ARHGAP27: variants seen among roughly 807,000 people sequenced by gnomAD.
ARHGAP27 encodes the protein rho GTPase-activating protein 27.
In ARHGAP27, 53 loss-of-function variants were observed where a neutral mutation model predicts 102.0. The ratio of observed to expected loss-of-function variants is 0.52; its 90% CI spans 0.42 to 0.65. ARHGAP27 has a LOEUF of 0.65. Ranked by LOEUF, ARHGAP27 falls within the 30% of genes least tolerant of loss-of-function variation. The pLI is 0.00. For missense variants in ARHGAP27, 1,117 were observed against 1,256.2 expected (o/e 0.89, Z 1.68); for synonymous variants, 525 against 542.8 (o/e 0.97, Z 0.46).
intron 12 of ARHGAP27, among the ~76,000 whole-genome samples, chr17:45,402,422 G>A (rs1227932057): frequency 1.3e-5 from 2 of 152,170 alleles, no homozygotes; most frequent in Non-Finnish European, 2.9e-5. Context: ...TGGGGCGGGG[G>A]TGCAGCGTTG....
intron 4 of ARHGAP27, among the ~76,000 whole-genome samples, chr17:45,422,998 T>C (rs1346910190): frequency 6.6e-6 from 1 of 151,916 alleles, no homozygotes; most frequent in Non-Finnish European, 1.5e-5. Flanking sequence ...CTGGCCAACA[T>C]GGCAAAATCA....
At chr17:45,415,260 A>T (rs73305444) in intron 4 of ARHGAP27, among the ~76,000 whole-genome samples, 6,009 of 151,888 alleles carry the variant, frequency 0.04, 404 homozygotes, top group African/African-American at 0.14. Flanking sequence ...ACTTCTCTCC[A>T]GTGTTTGCTC....
intron 13 of ARHGAP27, chr17:45,397,226 G>A (rs1340085384): frequency 2.1e-6 from 3 of 1,426,026 alleles, no homozygotes; most frequent in Non-Finnish European, 1.8e-6. Context: ...GCTGCATGGA[G>A]CCCTTAAGGT....
intron 4 of ARHGAP27, among the ~76,000 whole-genome samples, chr17:45,412,275 G>T (rs2048001795): frequency 6.6e-6 from 1 of 152,214 alleles, no homozygotes; most frequent in Admixed American, 6.5e-5. Context: ...AGGAGGTGAT[G>T]ACCACAGTGG....
chr17:45,398,939 A>C (rs2046084655), intron 12 of ARHGAP27, among the ~76,000 whole-genome samples: 2 of 151,888 alleles, frequency 1.3e-5, no homozygotes, highest in Middle Eastern at 3.4e-3. Flanking sequence ...AGTCCCCACC[A>C]CCTCCCACAC....
intron 13 of ARHGAP27, 93 bp from the exon 14 acceptor site, chr17:45,397,117 G>T: frequency 6.5e-7 from 1 of 1,544,986 alleles, no homozygotes; most frequent in Non-Finnish European, 8.7e-7. Flanking sequence ...CTCCCAACAG[G>T]CATGGCCTGG....
At chr17:45,400,645 T>G (rs1309352112) in intron 12 of ARHGAP27, among the ~76,000 whole-genome samples, 1 of 152,186 alleles carries the variant, frequency 6.6e-6, no homozygotes, top group Non-Finnish European at 1.5e-5. Context: ...CCGGGCATGG[T>G]GGCTCACACC....
At chr17:45,406,876 G>A (rs2047234996) in intron 4 of ARHGAP27, among the ~76,000 whole-genome samples, 1 of 152,192 alleles carries the variant, frequency 6.6e-6, no homozygotes, top group African/African-American at 2.4e-5. Flanking sequence ...GGTGAAGTTT[G>A]CAGGTGTCAG....
In ARHGAP27 at chr17:45,395,344, G is replaced by C. The variant is rs961180966; in HGVS notation, c.*112C>G. ...GAGGGTGCAGAAGTCACACCGGCCT[G>C]CGGCTATGCGCTGGCGGAGGGTCCC... On this transcript the variant is annotated 3_prime_UTR_variant, in exon 20 of 20. Coordinates refer to ENST00000685559, the MANE Select transcript of ARHGAP27 (RefSeq NM_001282290.2). The C allele has an allele frequency of 5.9e-6, 8 of 1,344,720 alleles. No homozygotes were observed. Among genetic ancestry groups the C allele is most frequent in the Admixed American group, 2.7e-5 (1 of 37,494 alleles). 83.3% of individuals were successfully genotyped at this position (1,344,720 alleles called of 1,614,324 possible).
intron 6 of ARHGAP27, 108 bp from the exon 7 acceptor site, chr17:45,404,789 G>A: frequency 8.0e-6 from 12 of 1,504,664 alleles, no homozygotes; most frequent in Non-Finnish European, 1.0e-5. Context: ...GGAGGGGCAG[G>A]TGCAGGTGAC....
At chr17:45,423,039 G>C (rs751986460) in intron 4 of ARHGAP27, among the ~76,000 whole-genome samples, 4 of 152,042 alleles carry the variant, frequency 2.6e-5, no homozygotes, top group South Asian at 4.1e-4. Flanking sequence ...AAATTAGCCC[G>C]GTGTGGTGGC....
At chr17:45,410,895 A>G (rs558313217) in intron 4 of ARHGAP27, among the ~76,000 whole-genome samples, 5 of 152,234 alleles carry the variant, frequency 3.3e-5, no homozygotes, top group African/African-American at 1.2e-4. Flanking sequence ...GGGAGCTGGC[A>G]TCTGGACTGT....
chr17:45,396,706 G>A lies in ARHGAP27; in HGVS notation c.2036C>T (p.Pro679Leu), dbSNP rs759205365. The A allele has an allele frequency of 1.2e-6, 2 of 1,613,850 alleles. No homozygotes were observed. Among genetic ancestry groups the A allele is most frequent in the Non-Finnish European group, 1.7e-6 (2 of 1,179,810 alleles). ...CTTCTCCCGCAGCGACTGCAGTGTG[G>A]GCCGCCTCTGGAGGAACTTGCGGAG... is the stretch of plus-strand genomic sequence containing the variant. ...HKLRKFLQRR[P>L]TLQSLREKGY... The change falls in exon 15 of 20, where the codon CCC becomes CTC. Residue 679 changes from proline to leucine, a missense_variant. By Grantham distance (98) the Pro-to-Leu change is moderately conservative. Around this residue, in one of 3 missense-constraint regions of ARHGAP27, gnomAD observed 493 missense variants for 505.5 expected, o/e 0.98. Transcript: ENST00000685559.
chr17:45,416,829 G>A (rs2048508391), intron 4 of ARHGAP27, among the ~76,000 whole-genome samples: 1 of 149,252 alleles, frequency 6.7e-6, no homozygotes, highest in African/African-American at 2.4e-5. Flanking sequence ...TTACAGGCGT[G>A]AGCCACCGCG....
chr17:45,405,534 G>A (rs2047049582), intron 5 of ARHGAP27, 142 bp downstream of exon 5: 2 of 1,201,292 alleles, frequency 1.7e-6, no homozygotes, highest in African/African-American at 1.5e-5. Flanking sequence ...GTGGGAGCAG[G>A]AGAAGGGGTC....
At chr17:45,414,597 C>A (rs1009797310) in intron 4 of ARHGAP27, among the ~76,000 whole-genome samples, 1 of 149,082 alleles carries the variant, frequency 6.7e-6, no homozygotes, top group African/African-American at 2.5e-5. Context: ...AGGCCCACAC[C>A]ACCACGCCCG....
At chr17:45,417,977 T>C (rs536043800) in intron 4 of ARHGAP27, among the ~76,000 whole-genome samples, 6,481 of 144,476 alleles carry the variant, frequency 0.045, 210 homozygotes, top group Non-Finnish European at 0.071. Flanking sequence ...TGGCGTGAAC[T>C]CGGGAGCGGA....
intron 6 of ARHGAP27, 120 bp downstream of exon 6, chr17:45,404,804 T>C (rs1460285216): frequency 3.0e-5 from 45 of 1,523,890 alleles, no homozygotes; most frequent in Non-Finnish European, 3.5e-5. Context: ...GGTGACTGTG[T>C]TTGGCTGGTT....
Position 45,395,189 on chromosome 17 carries a change from A to G in ARHGAP27, c.*267T>C, listed in dbSNP as rs2045441163. ...CTATCGCACACGCACAGTAGGCGCG[A>G]TGCAACAGAGAAAAAACCGAATTAA... On this transcript the variant is annotated 3_prime_UTR_variant, in exon 20 of 20. Transcript: ENST00000685559. 3.6e-6 allele frequency: 2 copies of G among 550,420 alleles called. No individual in the cohort carries two copies. The allele number at this position is 550,420 out of a possible 1,614,324, so 34.1% of individuals were successfully genotyped here.
Sources: gnomAD v4.1 joint callset for allele counts (sites outside exome capture counted in the v4.1 genomes callset) on GRCh38, gnomAD v4.1.1 for gene constraint, gnomAD v4.1.1 regional missense constraint, MANE v1.5 for transcripts, NCBI Gene and HGNC (gene_info 2026-07-23, HGNC 2026-07-21) for gene names.